Variants in DDX19A observed in about 807,000 individuals in gnomAD.
DDX19A encodes DEAD-box helicase 19A.
A neutral mutation model predicts 60.6 loss-of-function variants in DDX19A; 12 were observed. The ratio of observed to expected loss-of-function variants is 0.20; its 90% CI spans 0.13 to 0.32. DDX19A has a LOEUF of 0.32. DDX19A is among the 10% of genes least tolerant of loss of function. The probability of loss-of-function intolerance (pLI) is 1.00; values close to 1 mark genes in which losing one functional copy is unlikely to be tolerated. For missense variants in DDX19A, 337 were observed against 600.6 expected (o/e 0.56, Z 4.59); for synonymous variants, 206 against 218.2 (o/e 0.94, Z 0.49).
intron 11 of DDX19A, 68 bp from the exon 12 acceptor site, chr16:70,371,857 A>G (rs2047274140): frequency 6.2e-7 from 1 of 1,613,160 alleles, no homozygotes; most frequent in African/African-American, 1.3e-5. Flanking sequence ...GCCTGAATGA[A>G]TGATTGCTGT....
intron 6 of DDX19A, 133 bp downstream of exon 6, chr16:70,364,778 C>A: frequency 1.4e-6 from 1 of 727,670 alleles, no homozygotes; most frequent in Non-Finnish European, 2.3e-6. Context: ...GTTCCTACAC[C>A]AGGCCCTGAC....
At chr16:70,353,413 C>A (rs1964086728) in intron 2 of DDX19A, among the ~76,000 whole-genome samples, 1 of 151,910 alleles carries the variant, frequency 6.6e-6, no homozygotes, top group African/African-American at 2.4e-5. Context: ...CACGCCTGGC[C>A]TTTTTTTAAA....
At chr16:70,359,561 A>G (rs1964310653) in intron 4 of DDX19A, among the ~76,000 whole-genome samples, 1 of 152,214 alleles carries the variant, frequency 6.6e-6, no homozygotes, top group Non-Finnish European at 1.5e-5. Flanking sequence ...AGCTGTTTAC[A>G]TAAGAAGTTG....
chr16:70,359,248 A>G (rs1208730630), intron 4 of DDX19A, among the ~76,000 whole-genome samples: 1 of 152,216 alleles, frequency 6.6e-6, no homozygotes, highest in Non-Finnish European at 1.5e-5. Flanking sequence ...CAATTAAGGT[A>G]GTGACTTTGT....
At chr16:70,366,347 T>C (rs1266588110) in intron 8 of DDX19A, 85 bp downstream of exon 8, 2 of 1,583,634 alleles carry the variant, frequency 1.3e-6, no homozygotes, top group Admixed American at 3.4e-5. Context: ...CTCTGGCTTC[T>C]GCCTGGGTCT....
chr16:70,357,366 G>GTTTTTTTTTGTTTTTTTTTTTTTTT (rs1964237650), intron 4 of DDX19A, among the ~76,000 whole-genome samples: 1 of 44,596 alleles, frequency 2.2e-5, no homozygotes, highest in Admixed American at 3.3e-4. Flanking sequence ...TTTTTGGTTT[G>GTTTTTTTTTGTTTTTTTTTTTTTTT]TTTTTTTTTT....
chr16:70,357,936 A>C (rs182918493), intron 4 of DDX19A, among the ~76,000 whole-genome samples: 2 of 152,202 alleles, frequency 1.3e-5, no homozygotes, highest in African/African-American at 4.8e-5. Context: ...CCTTCCAGCT[A>C]TTACCACTGA....
chr16:70,354,295 C>T (rs968916272), intron 2 of DDX19A, among the ~76,000 whole-genome samples: 1 of 152,184 alleles, frequency 6.6e-6, no homozygotes, highest in South Asian at 2.1e-4. Flanking sequence ...TACAGGCATG[C>T]GCCACCACAC....
chr16:70,366,444 A>T, intron 8 of DDX19A, 180 bp from the exon 9 acceptor site: 1 of 1,228,018 alleles, frequency 8.1e-7, no homozygotes, highest in Non-Finnish European at 1.1e-6. Flanking sequence ...GGGTTGAGAA[A>T]GGAGACCTAG....
Position 70,372,262 on chromosome 16 carries a change from G to A in DDX19A, c.*276G>A. On this transcript the variant is annotated 3_prime_UTR_variant, in exon 12 of 12. Transcript: ENST00000302243. ...TTATAATAATCTGGTCACAGTGGTA[G>A]TCGCTGGCCCCAGGACCCCCTCCTG... The A allele has an allele frequency of 1.9e-6, 1 of 536,098 alleles. No homozygotes were observed. The highest frequency in any genetic ancestry group is 3.3e-6 in the Non-Finnish European group (1 of 301,938). 33.2% of individuals were successfully genotyped at this position (536,098 alleles called of 1,614,324 possible).
intron 4 of DDX19A, among the ~76,000 whole-genome samples, chr16:70,358,228 A>C (rs1567652468): frequency 6.6e-6 from 1 of 152,112 alleles, no homozygotes; most frequent in Admixed American, 6.6e-5. Context: ...ACAGCGTTTC[A>C]TCATGTTGGC....
rs939370942 is a variant in DDX19A at position 70,352,710 on chromosome 16, C to G, written c.106+2105C>G. Among the ~76,000 whole-genome samples, 12 of 147,418 alleles carry G rather than the reference C, an allele frequency of 8.1e-5. No homozygotes were observed. The Admixed American group carries it at 8.3e-4, about 10-fold the overall frequency. ...GGAGTGCAATGATGTGATCTCGGCTCACCGCAACCTCCACCTCCGGGGTTC... is the reference window on the plus strand; with the variant it reads ...GGAGTGCAATGATGTGATCTCGGCTGACCGCAACCTCCACCTCCGGGGTTC... On this transcript the variant is annotated intron_variant, in intron 2 of 11. Transcript: ENST00000302243.
chr16:70,368,583 CT>C (rs1179369230), intron 9 of DDX19A, among the ~76,000 whole-genome samples: 607 of 140,774 alleles, frequency 4.3e-3, no homozygotes, highest in Middle Eastern at 7.6e-3. Flanking sequence ...AAAAAATACT[CT>C]TTTTTTTTTT....
chr16:70,362,840 C>T (rs1964409515), intron 5 of DDX19A, among the ~76,000 whole-genome samples: 2 of 151,534 alleles, frequency 1.3e-5, no homozygotes, highest in Non-Finnish European at 2.9e-5. Context: ...GGTGAAACCC[C>T]GTCTCTACAA....
intron 9 of DDX19A, among the ~76,000 whole-genome samples, chr16:70,368,583 CTT>C (rs1179369230): frequency 5.0e-5 from 7 of 141,040 alleles, no homozygotes; most frequent in Non-Finnish European, 3.1e-5. Flanking sequence ...AAAAAATACT[CTT>C]TTTTTTTTTT....
intron 2 of DDX19A, 30 bp downstream of exon 2, chr16:70,350,635 A>G (rs1314071406): frequency 1.3e-6 from 2 of 1,577,974 alleles, no homozygotes; most frequent in East Asian, 2.2e-5. Context: ...AAGCTAGAAA[A>G]GAGTTCCATG....
chr16:70,370,963 C>G, intron 10 of DDX19A: 1 of 284,166 alleles, frequency 3.5e-6, no homozygotes, highest in South Asian at 3.8e-5. Context: ...CCATTGCACT[C>G]CAGCCTGGGC....
At position 70,357,366 on chromosome 16, in the gene DDX19A, G is replaced by GTTTTTTTTTTTTTTTTTTT. The variant is rs71151183; in HGVS notation, c.293+1137_293+1155dup. 2.9e-4 allele frequency among the ~76,000 whole-genome samples: 13 copies of GTTTTTTTTTTTTTTTTTTT among 44,578 alleles called. 5 individuals are homozygous for GTTTTTTTTTTTTTTTTTTT. Among genetic ancestry groups the GTTTTTTTTTTTTTTTTTTT allele is most frequent in the Admixed American group, 6.6e-4 (2 of 3,026 alleles). The allele number at this position is 44,578 out of a possible 152,430, so 29.2% of individuals were successfully genotyped here. ...AATCTGTCAAATCTGTTTTTGGTTT[G>GTTTTTTTTTTTTTTTTTTT]TTTTTTTTTTTTTTTTTTTTTTTTT... is the stretch of plus-strand genomic sequence containing the variant. On this transcript the variant is annotated intron_variant, in intron 4 of 11. Transcript: ENST00000302243.
At chr16:70,356,505 CA>C (rs958439151) in intron 4 of DDX19A, among the ~76,000 whole-genome samples, 4 of 151,804 alleles carry the variant, frequency 2.6e-5, no homozygotes, top group Non-Finnish European at 5.9e-5. Flanking sequence ...TACAGGCGCC[CA>C]CCACCATGTC....
Sources: gnomAD v4.1 joint callset for allele counts (sites outside exome capture counted in the v4.1 genomes callset) on GRCh38, gnomAD v4.1.1 for gene constraint, MANE v1.5 for transcripts, NCBI Gene and HGNC (gene_info 2026-07-23, HGNC 2026-07-21) for gene names.